The following SPHKAP variants were observed in gnomAD, a reference collection of about 807,000 sequenced individuals.
SPHKAP encodes SPHK1 interactor, AKAP domain containing, also known as A-kinase anchor protein SPHKAP.
Under a neutral mutation model 137.5 loss-of-function variants are expected in SPHKAP, and 67 were observed. The observed-to-expected ratio is 0.49, with a 90% CI of 0.40 to 0.60. The LOEUF (loss-of-function observed/expected upper bound fraction) is 0.60. Ranked by LOEUF, SPHKAP falls within the 20% of genes least tolerant of loss-of-function variation. The pLI, the probability that SPHKAP is intolerant of heterozygous loss-of-function variation, is 0.00. For synonymous variants in SPHKAP, 813 were observed against 785.3 expected, an observed-to-expected ratio of 1.04 and a Z score of -0.59; for missense variants, 2,097 against 2,069.3, an observed-to-expected ratio of 1.01 and a Z score of -0.26.
At chr2:228,104,364 AAAT>A (rs1698274771) in intron 3 of SPHKAP, among the ~76,000 whole-genome samples, 1 of 145,748 alleles carries the variant, frequency 6.9e-6, no homozygotes, top group Non-Finnish European at 1.5e-5. Context: ...ATAATAATAT[AAAT>A]ATCATTATAT....
chr2:228,143,664 CTTT>C (rs35440451), intron 1 of SPHKAP, among the ~76,000 whole-genome samples: 2 of 97,424 alleles, frequency 2.1e-5, no homozygotes, highest in African/African-American at 7.6e-5. Flanking sequence ...AAACACCTGG[CTTT>C]TTTTTTTTTT....
rs1163471770 is a variant in SPHKAP, at chr2:228,123,427, T to C, written c.138+8553A>G. ...TTGTTTATACTCCAGGGGGAAATTC[T>C]TGTGTCTTCCTTCTATAGAGATGTG... On this transcript the variant is annotated intron_variant, in intron 2 of 11. Transcript: ENST00000392056. Among the ~76,000 whole-genome samples the C allele has an allele frequency of 3.3e-5, 5 of 152,356 alleles. No individual in the cohort carries two copies. In the South Asian group the frequency reaches 1.0e-3, roughly 32 times the overall value.
intron 2 of SPHKAP, among the ~76,000 whole-genome samples, chr2:228,117,425 T>C (rs1698747803): frequency 6.6e-6 from 1 of 152,136 alleles, no homozygotes; most frequent in Non-Finnish European, 1.5e-5. Flanking sequence ...TCCAGGCTCC[T>C]GTTGTAGTTC....
At chr2:228,043,058 T>C (rs1695910748) in intron 3 of SPHKAP, among the ~76,000 whole-genome samples, 1 of 152,204 alleles carries the variant, frequency 6.6e-6, no homozygotes, top group Non-Finnish European at 1.5e-5. Flanking sequence ...AATATAGACA[T>C]GTTAAAAATA....
chr2:228,155,795 C>T (rs1192995447), intron 1 of SPHKAP, among the ~76,000 whole-genome samples: 4 of 152,156 alleles, frequency 2.6e-5, no homozygotes, highest in African/African-American at 7.2e-5. Flanking sequence ...AAGTGCTATA[C>T]ATATATCTTT....
intron 1 of SPHKAP, chr2:228,173,011 A>G: frequency 1.0e-6 from 1 of 984,862 alleles, no homozygotes; most frequent in Non-Finnish European, 1.2e-6. Context: ...ATTAATGACC[A>G]CTGCAATAAA....
In SPHKAP at chr2:228,033,435, G is replaced by C. The variant is rs150257763; in HGVS notation, c.247-5892C>G. 9.6e-3 allele frequency among the ~76,000 whole-genome samples: 1,457 copies of C among 152,170 alleles called. 24 individuals are homozygous for C. Among genetic ancestry groups the C allele is most frequent in the African/African-American group, 0.034 (1,409 of 41,522 alleles). ...ATTCCCATACAATAATAACGGGAGA[G>C]TTTAACACCCCACTGTCAACATTGG... On this transcript the variant is annotated intron_variant, in intron 3 of 11. Coordinates refer to ENST00000392056, the MANE Select transcript of SPHKAP (RefSeq NM_001142644.2).
At position 228,017,278 on chromosome 2, in the gene SPHKAP, C is replaced by T. The variant is rs376078677; in HGVS notation, c.3576G>A (p.Glu1192=). The change falls in exon 7 of 12, where the codon GAG becomes GAA. Residue 1192 remains glutamate, a synonymous_variant. Transcript: ENST00000392056. ...SKQSSTESIT[E]EFYRYMLRDI... is the part of the protein sequence containing the mutation. Reference sequence around the variant, plus strand: ...CCCTCAGCATGTACCTGTAGAACTCCTCAGTGATGCTCTCTGTGCTGGACT... The same window carrying T: ...CCCTCAGCATGTACCTGTAGAACTCTTCAGTGATGCTCTCTGTGCTGGACT... The T allele has an allele frequency of 2.5e-6, 4 of 1,613,968 alleles. No homozygotes were observed. The African/African-American group carries it at 4.0e-5, about 16-fold the overall frequency.
chr2:227,981,930 C>T, intron 11 of SPHKAP, 70 bp from the exon 12 acceptor site: 2 of 1,523,334 alleles, frequency 1.3e-6, no homozygotes, highest in East Asian at 2.4e-5. Context: ...TTCAACCACC[C>T]TCGCGAAGCC....
chr2:228,063,486 C>T (rs994076594), intron 3 of SPHKAP, among the ~76,000 whole-genome samples: 5 of 152,134 alleles, frequency 3.3e-5, no homozygotes, highest in Admixed American at 6.5e-5. Flanking sequence ...AGAGTGGCTA[C>T]ATTTTGCAAC....
At chr2:228,036,541 C>T (rs1376394767) in intron 3 of SPHKAP, among the ~76,000 whole-genome samples, 2 of 151,962 alleles carry the variant, frequency 1.3e-5, no homozygotes, top group Non-Finnish European at 2.9e-5. Flanking sequence ...GGGTATATAC[C>T]CAAAGGATTA....
chr2:228,018,206 G>A lies in SPHKAP; in HGVS notation c.2648C>T (p.Thr883Ile), dbSNP rs991073873. The change falls in exon 7 of 12, where the codon ACC (threonine) becomes ATC (isoleucine). Residue 883 changes from threonine (T) to isoleucine (I), a missense_variant. Thr to Ile is a moderately conservative substitution (Grantham distance 89, BLOSUM62 -1). Transcript: ENST00000392056. ...TGTGGCACAGTTGTACTTTTCTTGGGTGTTTGGGTGGATACTCTCCTCAGC... is the reference window on the plus strand; with the variant it reads ...TGTGGCACAGTTGTACTTTTCTTGGATGTTTGGGTGGATACTCTCCTCAGC... The part of the protein sequence containing the change: ...QEAEESIHPN[T>I]QEKYNCATSR... 1.9e-6 allele frequency: 3 copies of A among 1,614,040 alleles called. No homozygotes were observed. The African/African-American group carries it at 4.0e-5, about 22-fold the overall frequency.
intron 2 of SPHKAP, among the ~76,000 whole-genome samples, chr2:228,115,873 A>G (rs769790593): frequency 6.6e-6 from 1 of 152,172 alleles, no homozygotes; most frequent in Non-Finnish European, 1.5e-5. Flanking sequence ...ATGTGTTAGC[A>G]TTAAGAGGTA....
intron 1 of SPHKAP, among the ~76,000 whole-genome samples, chr2:228,135,722 A>G (rs1574883125): frequency 6.6e-6 from 1 of 152,194 alleles, no homozygotes; most frequent in African/African-American, 2.4e-5. Flanking sequence ...ATTTAACTAT[A>G]TATATGCACC....
At chr2:228,171,097 G>T (rs1232632789) in intron 1 of SPHKAP, among the ~76,000 whole-genome samples, 1 of 152,090 alleles carries the variant, frequency 6.6e-6, no homozygotes, top group Non-Finnish European at 1.5e-5. Flanking sequence ...TTTTCTTATG[G>T]AAAAGTAAAG....
intron 3 of SPHKAP, among the ~76,000 whole-genome samples, chr2:228,095,182 C>G (rs1377467678): frequency 1.3e-5 from 2 of 152,152 alleles, no homozygotes; most frequent in Non-Finnish European, 2.9e-5. Context: ...TACCTTTAGT[C>G]ATGTTGAAAC....
chr2:228,076,017 G>T (rs1294469452), intron 3 of SPHKAP, among the ~76,000 whole-genome samples: 1 of 152,134 alleles, frequency 6.6e-6, no homozygotes. Context: ...ATGGGGGCAG[G>T]TCTTTTCTGC....
chr2:228,044,965 G>C (rs1318060469), intron 3 of SPHKAP, among the ~76,000 whole-genome samples: 1 of 152,052 alleles, frequency 6.6e-6, no homozygotes, highest in African/African-American at 2.4e-5. Flanking sequence ...CTCAAAAGAA[G>C]ACATTTATGC....
At chr2:228,172,320 C>T (rs1287223547) in intron 1 of SPHKAP, among the ~76,000 whole-genome samples, 2 of 152,160 alleles carry the variant, frequency 1.3e-5, no homozygotes, top group Non-Finnish European at 2.9e-5. Context: ...CCAGTTCACA[C>T]TCCATGTCTC....
Sources: gnomAD v4.1 joint callset for allele counts (sites outside exome capture counted in the v4.1 genomes callset) on GRCh38, gnomAD v4.1.1 for gene constraint, MANE v1.5 for transcripts, NCBI Gene and HGNC (gene_info 2026-07-23, HGNC 2026-07-21) for gene names.